Variants in NARS2 observed in about 807,000 individuals in gnomAD.
NARS2 encodes asparaginyl-tRNA synthetase.
Under a neutral mutation model 62.9 loss-of-function variants are expected in NARS2, and 60 were observed. The ratio of observed to expected loss-of-function variants is 0.95; its 90% CI spans 0.77 to 1.18. The LOEUF (loss-of-function observed/expected upper bound fraction) is 1.18, where lower values mean the gene tolerates loss of function less well. Ranked by LOEUF, NARS2 falls within the 50% of genes most tolerant of loss-of-function variation. The pLI, the probability that NARS2 is intolerant of heterozygous loss-of-function variation, is 0.00. For missense variants in NARS2, 619 were observed against 576.4 expected (o/e 1.07, Z -0.76); for synonymous variants, 196 against 200.0 (o/e 0.98, Z 0.17).
rs376853964 is a variant in NARS2 at position 78,528,862 on chromosome 11, A to G, written c.669T>C (p.Leu223=). 3 of 1,611,346 alleles carry G rather than the reference A, an allele frequency of 1.9e-6. No homozygotes were observed. In the African/African-American group the frequency reaches 4.0e-5, roughly 22 times the overall value. ...VPAFLTVSGQ[L]HLEVMSGAFT... is the part of the protein sequence containing the mutation. ...CATACCCTGACATCACTTCTAGATG[A>G]AGTTGTCCTGAGACAGTTAAGAAAG... The change falls in exon 6 of 14, where the codon CTT becomes CTC. Residue 223 remains leucine (L), a synonymous_variant. Transcript: ENST00000281038.
In NARS2 at chr11:78,566,223, T is replaced by G. The variant is rs552640439; in HGVS notation, c.422A>C (p.Gln141Pro). 2.7e-5 allele frequency: 44 copies of G among 1,612,262 alleles called. No homozygotes were observed. Among genetic ancestry groups the G allele is most frequent in the Non-Finnish European group, 3.6e-5 (42 of 1,178,786 alleles). ...KERHPLEYLR[Q>P]YPHFRCRTNV... Reference sequence around the variant, plus strand: ...AGTCCTACACCTAAAGTGAGGATATTGTCGCAGATACTCCAGAGGATGCCT... The same window carrying G: ...AGTCCTACACCTAAAGTGAGGATATGGTCGCAGATACTCCAGAGGATGCCT... Residue 141 changes from glutamine to proline, a missense_variant, in exon 4 of 14, where the codon CAA (glutamine) becomes CCA (proline). Gln to Pro is a moderately conservative substitution (Grantham distance 76). Transcript: ENST00000281038.
At chr11:78,513,748 G>A (rs1003352839) in intron 6 of NARS2, among the ~76,000 whole-genome samples, 6 of 152,050 alleles carry the variant, frequency 3.9e-5, no homozygotes, top group African/African-American at 1.4e-4. Context: ...GGTCTACTAA[G>A]GATTAATCTG....
chr11:78,544,340 A>G (rs1395690611), intron 5 of NARS2, among the ~76,000 whole-genome samples: 1 of 152,230 alleles, frequency 6.6e-6, no homozygotes, highest in Non-Finnish European at 1.5e-5. Context: ...AGAGCTACTG[A>G]AATTTAGTGG....
chr11:78,488,679 T>A (rs989206818), intron 7 of NARS2, among the ~76,000 whole-genome samples: 1 of 152,170 alleles, frequency 6.6e-6, no homozygotes, highest in African/African-American at 2.4e-5. Context: ...ATGGCAACTA[T>A]AAGATAAAGG....
At chr11:78,494,176 T>C (rs1463031717) in intron 6 of NARS2, among the ~76,000 whole-genome samples, 1 of 152,220 alleles carries the variant, frequency 6.6e-6, no homozygotes, top group Non-Finnish European at 1.5e-5. Context: ...TAAACTCCTA[T>C]AGTGAAGTGG....
At chr11:78,569,671 G>T (rs1156375362) in intron 2 of NARS2, among the ~76,000 whole-genome samples, 2 of 152,026 alleles carry the variant, frequency 1.3e-5, no homozygotes, top group Non-Finnish European at 2.9e-5. Context: ...TTATGGGTGG[G>T]GAAATCTGGT....
chr11:78,532,405 T>C (rs1457117536), intron 5 of NARS2, among the ~76,000 whole-genome samples: 2 of 152,114 alleles, frequency 1.3e-5, no homozygotes, highest in Admixed American at 6.5e-5. Flanking sequence ...ACAGAATATA[T>C]AAGGAACTCC....
chr11:78,559,298 T>C (rs1432924403), intron 5 of NARS2, among the ~76,000 whole-genome samples: 1 of 11,334 alleles, frequency 8.8e-5, no homozygotes, highest in African/African-American at 1.7e-4. Flanking sequence ...TGAGACTCCA[T>C]CTCAAAAAAA....
At chr11:78,442,754 TC>T in intron 12 of NARS2, among the ~76,000 whole-genome samples, 1 of 152,262 alleles carries the variant, frequency 6.6e-6, no homozygotes, top group Non-Finnish European at 1.5e-5. Context: ...GAAACATGAT[TC>T]CTTACTTCCC....
At chr11:78,573,455 G>A (rs562340075) in intron 1 of NARS2, 4 of 152,354 alleles carry the variant, frequency 2.6e-5, no homozygotes, top group African/African-American at 7.2e-5. Context: ...AGGATTGCTT[G>A]AGCCTGGGAG....
chr11:78,567,254 T>C (rs1403854519), intron 3 of NARS2, among the ~76,000 whole-genome samples: 1 of 152,142 alleles, frequency 6.6e-6, no homozygotes, highest in East Asian at 1.9e-4. Context: ...TATCAAACCA[T>C]ATAAACATTA....
intron 11 of NARS2, among the ~76,000 whole-genome samples, chr11:78,456,048 A>G (rs1205970380): frequency 1.3e-5 from 2 of 152,114 alleles, no homozygotes; most frequent in Non-Finnish European, 2.9e-5. Flanking sequence ...AATCTTACAA[A>G]GTTAATCTTA....
intron 10 of NARS2, among the ~76,000 whole-genome samples, chr11:78,468,988 G>A (rs1463600012): frequency 1.3e-5 from 2 of 151,898 alleles, no homozygotes; most frequent in Admixed American, 6.6e-5. Context: ...CTTCCTAAAC[G>A]TGGGAGACTC....
chr11:78,460,768 A>C (rs756431156), intron 11 of NARS2, among the ~76,000 whole-genome samples: 1 of 152,194 alleles, frequency 6.6e-6, no homozygotes, highest in Non-Finnish European at 1.5e-5. Flanking sequence ...AGATATGTAA[A>C]TGGCAGTCAA....
chr11:78,439,629 G>C (rs1246161979), intron 13 of NARS2, among the ~76,000 whole-genome samples: 1 of 152,042 alleles, frequency 6.6e-6, no homozygotes, highest in African/African-American at 2.4e-5. Flanking sequence ...TATGCCTAAG[G>C]TCATTACTGG....
chr11:78,537,214 A>G (rs1855389898), intron 5 of NARS2, among the ~76,000 whole-genome samples: 1 of 151,912 alleles, frequency 6.6e-6, no homozygotes, highest in African/African-American at 2.4e-5. Context: ...ATGCAGAGAG[A>G]GTGTGTGTGT....
chr11:78,484,276 C>A (rs1198283465), intron 7 of NARS2, among the ~76,000 whole-genome samples: 1 of 152,048 alleles, frequency 6.6e-6, no homozygotes, highest in Non-Finnish European at 1.5e-5. Flanking sequence ...AAACCCAAAA[C>A]CATAAAAACC....
At chr11:78,449,133 G>GTTTTT (rs201937471) in intron 11 of NARS2, among the ~76,000 whole-genome samples, 30 of 100,038 alleles carry the variant, frequency 3.0e-4, no homozygotes, top group African/African-American at 5.1e-4. Context: ...CCTAAAAAAT[G>GTTTTT]TTTTTTTTTT....
At chr11:78,471,623 C>T (rs1484640380) in intron 9 of NARS2, among the ~76,000 whole-genome samples, 6 of 151,272 alleles carry the variant, frequency 4.0e-5, no homozygotes, top group South Asian at 2.1e-4. Context: ...CATGCTGGTG[C>T]GCTGCACCCA....
Sources: gnomAD v4.1 joint callset for allele counts (sites outside exome capture counted in the v4.1 genomes callset) on GRCh38, gnomAD v4.1.1 for gene constraint, MANE v1.5 for transcripts, NCBI Gene and HGNC (gene_info 2026-07-23, HGNC 2026-07-21) for gene names.